The following TTLL1 variants were observed in gnomAD, a reference collection of about 807,000 sequenced individuals.
TTLL1 encodes polyglutamylase complex subunit TTLL1.
In TTLL1, 33 loss-of-function variants were observed where a neutral mutation model predicts 47.8. The ratio of observed to expected loss-of-function variants is 0.69; its 90% CI spans 0.52 to 0.92. The LOEUF is 0.92. Among genes scored for constraint, TTLL1 ranks in the 40% least tolerant of loss-of-function variants. The pLI is 0.00. For missense variants in TTLL1, 488 were observed against 547.5 expected, an observed-to-expected ratio of 0.89 and a Z score of 1.08; for synonymous variants, 225 against 214.1, an observed-to-expected ratio of 1.05 and a Z score of -0.45.
At position 43,046,468 on chromosome 22, in the gene TTLL1, G is replaced by A. The variant is rs1926136196; in HGVS notation, c.1084C>T (p.Pro362Ser). The change falls in exon 10 of 11, where the codon CCA becomes TCA. Residue 362 changes from proline to serine, a missense_variant. Coordinates refer to ENST00000266254, the MANE Select transcript of TTLL1 (RefSeq NM_012263.5). ...LNIAVPNGEI[P>S]DCKWNKSPPK... ...GGCGACTTGTTCCATTTGCAGTCTG[G>A]GATTTCACCATTCGGGACGGCGATG... 1 of 1,614,038 alleles carries A rather than the reference G, an allele frequency of 6.2e-7. No individual in the cohort carries two copies. The highest frequency in any genetic ancestry group is 8.5e-7 in the Non-Finnish European group (1 of 1,180,006).
At chr22:43,060,467 CAG>C (rs974123316) in intron 7 of TTLL1, among the ~76,000 whole-genome samples, 9 of 150,378 alleles carry the variant, frequency 6.0e-5, no homozygotes, top group African/African-American at 2.0e-4. Context: ...ACTTCTACCT[CAG>C]AGTCTTTCCT....
At chr22:43,064,554 G>A (rs1279683280) in intron 5 of TTLL1, among the ~76,000 whole-genome samples, 4 of 151,724 alleles carry the variant, frequency 2.6e-5, no homozygotes, top group Non-Finnish European at 4.4e-5. Context: ...GTGAAACCCC[G>A]TCTCTGCTAA....
chr22:43,087,524 A>G (rs1929302145), intron 1 of TTLL1, among the ~76,000 whole-genome samples: 1 of 137,166 alleles, frequency 7.3e-6, no homozygotes, highest in South Asian at 2.4e-4. Context: ...ACTCCATCTC[A>G]AAAAAAAAAA....
At chr22:43,079,212 AGC>A in intron 2 of TTLL1, among the ~76,000 whole-genome samples, 1 of 92,452 alleles carries the variant, frequency 1.1e-5, no homozygotes, top group Non-Finnish European at 2.5e-5. Context: ...CGCACCCCAG[AGC>A]GTGAGCCCAT....
Position 43,068,573 on chromosome 22 carries a change from A to G in TTLL1, c.340T>C (p.Tyr114His). ...YLYLDFVPVT[Y>H]MLPADYNLFV... Reference sequence around the variant, plus strand: ...AGGTTGTAGTCAGCGGGCAGCATATAGGTGACTGGAACAAAGTCTGCAAGG... The same window carrying G: ...AGGTTGTAGTCAGCGGGCAGCATATGGGTGACTGGAACAAAGTCTGCAAGG... Residue 114 changes from tyrosine (Y) to histidine (H), a missense_variant, in exon 5 of 11, where the codon TAT becomes CAT. Transcript: ENST00000266254. 6.6e-7 allele frequency: 1 copy of G among 1,504,430 alleles called. No individual in the cohort carries two copies. The allele number at this position is 1,504,430 out of a possible 1,614,324, so 93.2% of individuals were successfully genotyped here.
intron 1 of TTLL1, among the ~76,000 whole-genome samples, chr22:43,086,067 C>A (rs1285554368): frequency 1.3e-5 from 2 of 152,196 alleles, no homozygotes; most frequent in Non-Finnish European, 2.9e-5. Context: ...CAATACTAAG[C>A]CGTTTTCCTT....
At chr22:43,087,912 C>A (rs1017689941) in intron 1 of TTLL1, among the ~76,000 whole-genome samples, 3 of 150,378 alleles carry the variant, frequency 2.0e-5, no homozygotes, top group Non-Finnish European at 2.9e-5. Context: ...CTTTGGGAGG[C>A]CGAGGTGGGC....
At chr22:43,060,436 T>G (rs1219603392) in intron 7 of TTLL1, among the ~76,000 whole-genome samples, 2 of 152,198 alleles carry the variant, frequency 1.3e-5, no homozygotes, top group African/African-American at 4.8e-5. Flanking sequence ...AGGCCTCCAC[T>G]GCAGCAACAT....
intron 8 of TTLL1, among the ~76,000 whole-genome samples, chr22:43,059,150 C>T (rs551517432): frequency 1.3e-5 from 2 of 151,976 alleles, no homozygotes; most frequent in East Asian, 1.9e-4. Context: ...CCACCATGCC[C>T]GGCTAATTTT....
chr22:43,073,043 C>T (rs139237666), intron 3 of TTLL1, among the ~76,000 whole-genome samples: 515 of 149,758 alleles, frequency 3.4e-3, no homozygotes, highest in African/African-American at 0.012. Context: ...TTGAGACAGT[C>T]TTGCTGTGTC....
chr22:43,075,279 C>T (rs1277435968), intron 3 of TTLL1, among the ~76,000 whole-genome samples, 195 bp downstream of exon 3: 2 of 152,188 alleles, frequency 1.3e-5, no homozygotes, highest in Non-Finnish European at 2.9e-5. Context: ...CTTCATACCC[C>T]AGGGTGAACA....
rs746432577 is a variant in TTLL1, at chr22:43,075,464, G to A, written c.113+10C>T. 1.2e-6 allele frequency: 2 copies of A among 1,610,282 alleles called. No individual in the cohort carries two copies. The highest frequency in any genetic ancestry group is 3.3e-5 in the Admixed American group (2 of 59,998). Reference sequence around the variant, plus strand: ...CAGAGAAACAACCCAGCCCTGCTGTGTATGCTTACCAGTAAAAATTCCAGT... The same window carrying A: ...CAGAGAAACAACCCAGCCCTGCTGTATATGCTTACCAGTAAAAATTCCAGT... On this transcript the variant is annotated intron_variant, in intron 3 of 10. Transcript: ENST00000266254.
chr22:43,039,623 A>T lies in TTLL1; in HGVS notation c.*153T>A. On this transcript the variant is annotated 3_prime_UTR_variant, in exon 11 of 11. Coordinates refer to ENST00000266254, the MANE Select transcript of TTLL1 (RefSeq NM_012263.5). ...CGCATGAATTGTTTCCTTTAGCACT[A>T]GTCAAACAGACTCCATAACCTTCCA... is the stretch of plus-strand genomic sequence containing the variant. 3.3e-6 allele frequency: 3 copies of T among 906,450 alleles called. No individual in the cohort carries two copies. The highest frequency in any genetic ancestry group is 1.7e-5 in the African/African-American group (1 of 57,996). The allele number at this position is 906,450 out of a possible 1,614,324, so 56.2% of individuals were successfully genotyped here.
At chr22:43,041,546 A>T (rs868616506) in intron 10 of TTLL1, among the ~76,000 whole-genome samples, 13 of 41,970 alleles carry the variant, frequency 3.1e-4, no homozygotes, top group African/African-American at 9.4e-4. Context: ...TTTTTTTTTT[A>T]AACGGTCACC....
At position 43,068,554 on chromosome 22, in the gene TTLL1, T is replaced by C. The variant is rs747715920; in HGVS notation, c.359A>G (p.Tyr120Cys). ...VPVTYMLPAD[Y>C]NLFVEEFRKS... ...CCGGAACTCCTCTACAAACAGGTTG[T>C]AGTCAGCGGGCAGCATATAGGTGAC... The change falls in exon 5 of 11, where the codon TAC (tyrosine) becomes TGC (cysteine). Residue 120 changes from tyrosine (Y) to cysteine (C), a missense_variant. By Grantham distance (194) the Tyr-to-Cys change is radical. Coordinates refer to ENST00000266254, the MANE Select transcript of TTLL1 (RefSeq NM_012263.5). The C allele has an allele frequency of 1.7e-5, 27 of 1,551,890 alleles. No individual in the cohort carries two copies. The highest frequency in any genetic ancestry group is 2.3e-5 in the Non-Finnish European group (26 of 1,136,472).
At chr22:43,088,632 C>CACATTTAACAAGCT (rs1929409605) in intron 1 of TTLL1, among the ~76,000 whole-genome samples, 3 of 151,870 alleles carry the variant, frequency 2.0e-5, no homozygotes, top group Non-Finnish European at 4.4e-5. Context: ...CGTGAGCCAC[C>CACATTTAACAAGCT]GTGCCCGGCC....
rs144405912 is a variant in TTLL1, at chr22:43,070,106, T to C, written c.114-262A>G. 289 of 1,353,762 alleles carry C rather than the reference T, an allele frequency of 2.1e-4. 2 individuals carry two copies. The East Asian group carries it at 2.1e-3, about 10-fold the overall frequency. The allele number at this position is 1,353,762 out of a possible 1,614,324, so 83.9% of individuals were successfully genotyped here. ...TCTCTGGCCCGGAGCAGGCACTCAA[T>C]AGATGTTTATTGATTAGTGATAACA... On this transcript the variant is annotated intron_variant, in intron 3 of 10. Coordinates refer to ENST00000266254, the MANE Select transcript of TTLL1 (RefSeq NM_012263.5).
At chr22:43,043,073 TGGGATTA>T (rs1925825964) in intron 10 of TTLL1, among the ~76,000 whole-genome samples, 1 of 151,780 alleles carries the variant, frequency 6.6e-6, no homozygotes, top group Admixed American at 6.6e-5. Context: ...CCCAAGTAGC[TGGGATTA>T]CAGGTGCCCA....
At chr22:43,078,751 G>C (rs1326397598) in intron 2 of TTLL1, among the ~76,000 whole-genome samples, 1 of 152,056 alleles carries the variant, frequency 6.6e-6, no homozygotes, top group East Asian at 1.9e-4. Flanking sequence ...ACTGCTGTTA[G>C]GTGATCCGAT....
Sources: allele counts gnomAD v4.1 joint callset (sites outside exome capture counted in the v4.1 genomes callset), GRCh38; gene constraint gnomAD v4.1.1; transcripts MANE v1.5; gene names NCBI Gene and HGNC (gene_info 2026-07-23, HGNC 2026-07-21).